Variants in FARS2 observed in about 807,000 individuals in gnomAD.
FARS2 encodes phenylalanine--tRNA ligase, mitochondrial.
FARS2 carries 40 observed loss-of-function variants against 46.4 expected under a neutral mutation model. The ratio of observed to expected loss-of-function variants is 0.86; its 90% CI spans 0.67 to 1.12. The LOEUF is 1.12. FARS2 is among the 50% of genes most tolerant of loss of function. The pLI, the probability that FARS2 is intolerant of heterozygous loss-of-function variation, is 0.00. For missense variants in FARS2, 513 were observed against 567.9 expected, an observed-to-expected ratio of 0.90 and a Z score of 0.98; for synonymous variants, 234 against 214.9, an observed-to-expected ratio of 1.09 and a Z score of -0.78.
intron 6 of FARS2, among the ~76,000 whole-genome samples, chr6:5,702,272 C>T (rs377192447): frequency 1.1e-4 from 17 of 152,272 alleles, no homozygotes; most frequent in African/African-American, 3.9e-4. Flanking sequence ...TTGCTTGGTG[C>T]TTTTTAACTA....
chr6:5,450,682 G>T (rs570069477), intron 4 of FARS2, among the ~76,000 whole-genome samples: 1 of 71,938 alleles, frequency 1.4e-5, no homozygotes, highest in African/African-American at 4.5e-5. Context: ...CAGACTTGGC[G>T]TGTGGGAGGT....
chr6:5,582,858 G>T lies in FARS2; in HGVS notation c.1066-30311G>T, dbSNP rs2150584112. 1.3e-5 allele frequency among the ~76,000 whole-genome samples: 2 copies of T among 152,344 alleles called. 1 individual carries two copies. Among genetic ancestry groups the T allele is most frequent in the Non-Finnish European group, 2.9e-5 (2 of 68,030 alleles). ...ATGATATCATTGTGGTTGCAACAGT[G>T]TTCAACTTGCAGGTTCCATGATGGT... On this transcript the variant is annotated intron_variant, in intron 5 of 6. Coordinates refer to ENST00000274680, the MANE Select transcript of FARS2 (RefSeq NM_006567.5).
intron 4 of FARS2, among the ~76,000 whole-genome samples, chr6:5,503,401 C>G (rs376008302): frequency 4.7e-5 from 5 of 106,400 alleles, no homozygotes; most frequent in Admixed American, 3.0e-4. Context: ...CACACACACA[C>G]ACACAGAGAG....
intron 1 of FARS2, among the ~76,000 whole-genome samples, chr6:5,297,596 C>G (rs1458164602): frequency 6.6e-6 from 1 of 151,822 alleles, no homozygotes; most frequent in East Asian, 1.9e-4. Flanking sequence ...TGCAGTGAGC[C>G]AAGATCGTGC....
At chr6:5,704,049 G>A (rs914042920) in intron 6 of FARS2, among the ~76,000 whole-genome samples, 2 of 152,194 alleles carry the variant, frequency 1.3e-5, no homozygotes, top group Admixed American at 1.3e-4. Context: ...TACAGCAGTG[G>A]AGATGGGGTC....
chr6:5,440,534 A>G (rs1002196196), intron 4 of FARS2, among the ~76,000 whole-genome samples: 1 of 152,176 alleles, frequency 6.6e-6, no homozygotes, highest in Non-Finnish European at 1.5e-5. Flanking sequence ...TTTCCTCCCT[A>G]GGTTTATGAT....
At chr6:5,454,728 G>A (rs1039648986) in intron 4 of FARS2, among the ~76,000 whole-genome samples, 5 of 152,130 alleles carry the variant, frequency 3.3e-5, no homozygotes, top group African/African-American at 1.2e-4. Flanking sequence ...TTGCTCTGAG[G>A]GTAAAGGTCC....
At chr6:5,402,600 G>A (rs1166119335) in intron 2 of FARS2, among the ~76,000 whole-genome samples, 1 of 151,998 alleles carries the variant, frequency 6.6e-6, no homozygotes, top group Non-Finnish European at 1.5e-5. Flanking sequence ...TTTTTGGTGT[G>A]GGTTAGAGAA....
At chr6:5,692,144 GCGATACCTTC>G (rs1367874775) in intron 6 of FARS2, among the ~76,000 whole-genome samples, 4 of 152,204 alleles carry the variant, frequency 2.6e-5, no homozygotes, top group Non-Finnish European at 5.9e-5. Flanking sequence ...CCCGGGTGAG[GCGATACCTTC>G]CGCTGCTTCG....
chr6:5,537,346 T>C (rs945991355), intron 4 of FARS2, among the ~76,000 whole-genome samples: 9 of 152,260 alleles, frequency 5.9e-5, no homozygotes, highest in Non-Finnish European at 1.0e-4. Flanking sequence ...CATTTATTTT[T>C]AGTCTTGCCA....
chr6:5,579,573 C>T (rs1773206699), intron 5 of FARS2, among the ~76,000 whole-genome samples: 1 of 152,216 alleles, frequency 6.6e-6, no homozygotes, highest in Non-Finnish European at 1.5e-5. Flanking sequence ...CATGCCCAGA[C>T]TATTATGAGG....
intron 2 of FARS2, among the ~76,000 whole-genome samples, chr6:5,380,327 C>T (rs937276219): frequency 1.3e-5 from 2 of 152,200 alleles, no homozygotes; most frequent in African/African-American, 4.8e-5. Flanking sequence ...AAGAGGGCCT[C>T]ATTAGGTTTA....
At chr6:5,571,679 C>T (rs959239369) in intron 5 of FARS2, among the ~76,000 whole-genome samples, 10 of 152,224 alleles carry the variant, frequency 6.6e-5, no homozygotes, top group African/African-American at 1.9e-4. Context: ...ACTCAGTCTT[C>T]TGTGAACTAG....
At chr6:5,668,686 G>GTTTTTTT (rs58819474) in intron 6 of FARS2, among the ~76,000 whole-genome samples, 10 of 53,414 alleles carry the variant, frequency 1.9e-4, no homozygotes, top group Non-Finnish European at 2.4e-4. Context: ...GTGTGTTTGG[G>GTTTTTTT]TTTTTTTTTT....
rs186514216 is a variant in FARS2 at position 5,767,499 on chromosome 6, A to G, written c.1218-3792A>G. On this transcript the variant is annotated intron_variant, in intron 6 of 6. Coordinates refer to ENST00000274680, the MANE Select transcript of FARS2 (RefSeq NM_006567.5). Reference sequence around the variant, plus strand: ...CCTAGGAGTAGAATTGCTGGATTATATGGTAATTCTGTGTTTAACTTTTTG... The same window carrying G: ...CCTAGGAGTAGAATTGCTGGATTATGTGGTAATTCTGTGTTTAACTTTTTG... 5.0e-3 allele frequency among the ~76,000 whole-genome samples: 764 copies of G among 152,308 alleles called. 3 individuals carry two copies. The highest frequency in any genetic ancestry group is 9.0e-3 in the Non-Finnish European group (614 of 68,028).
chr6:5,705,776 G>A (rs999166841), intron 6 of FARS2, among the ~76,000 whole-genome samples: 1 of 152,114 alleles, frequency 6.6e-6, no homozygotes, highest in Non-Finnish European at 1.5e-5. Flanking sequence ...TCGCGCCCCT[G>A]TGCCTCCCCA....
At chr6:5,632,270 G>T (rs991062946) in intron 6 of FARS2, among the ~76,000 whole-genome samples, 1 of 152,112 alleles carries the variant, frequency 6.6e-6, no homozygotes, top group Non-Finnish European at 1.5e-5. Flanking sequence ...CTCTGAATCC[G>T]AGGTCTCAGA....
chr6:5,715,537 A>G (rs1759443406), intron 6 of FARS2, among the ~76,000 whole-genome samples: 1 of 151,894 alleles, frequency 6.6e-6, no homozygotes, highest in Non-Finnish European at 1.5e-5. Flanking sequence ...TCTACAATTT[A>G]CCTATTCTGG....
Position 5,444,266 on chromosome 6 carries a change from C to T in FARS2, c.904+13094C>T, listed in dbSNP as rs369648656. ...GGCGGATCACAAGGTCAGGAGTTCG[C>T]GACCAGCCTGACCAACATGGTGAAG... is the stretch of plus-strand genomic sequence containing the variant. On this transcript the variant is annotated intron_variant, in intron 4 of 6. Transcript: ENST00000274680. Among the ~76,000 whole-genome samples, 9 of 151,818 alleles carry T rather than the reference C, an allele frequency of 5.9e-5. No homozygotes were observed. In the East Asian group the frequency reaches 9.7e-4, roughly 16 times the overall value.
Sources: gnomAD v4.1 joint callset for allele counts (sites outside exome capture counted in the v4.1 genomes callset) on GRCh38, gnomAD v4.1.1 for gene constraint, MANE v1.5 for transcripts, NCBI Gene and HGNC (gene_info 2026-07-23, HGNC 2026-07-21) for gene names.